The following PCDHGB2 variants were observed in gnomAD, a reference collection of about 807,000 sequenced individuals.
PCDHGB2 encodes the protein protocadherin gamma subfamily B, 2.
In PCDHGB2, 55 loss-of-function variants were observed where a neutral mutation model predicts 59.3. That is an observed-to-expected ratio of 0.93 (90% CI 0.75 to 1.16). The LOEUF (loss-of-function observed/expected upper bound fraction) is 1.16, where lower values mean the gene tolerates loss of function less well. Ranked by LOEUF, PCDHGB2 falls within the 50% of genes most tolerant of loss-of-function variation. PCDHGB2 has a pLI of 0.00. For synonymous variants in PCDHGB2, 516 were observed against 512.0 expected, an observed-to-expected ratio of 1.01 and a Z score of -0.11; for missense variants, 1,228 against 1,198.5, an observed-to-expected ratio of 1.02 and a Z score of -0.36.
intron 1 of PCDHGB2, chr5:141,478,144 G>A (rs2099432883): frequency 6.2e-7 from 1 of 1,613,918 alleles, no homozygotes; most frequent in Non-Finnish European, 8.5e-7. Flanking sequence ...CCCGAGCCGA[G>A]TTCCCCTCTG....
At chr5:141,382,720 T>G in intron 1 of PCDHGB2, 1 of 480,114 alleles carries the variant, frequency 2.1e-6, no homozygotes, top group Non-Finnish European at 3.5e-6. Flanking sequence ...AACCACCGAG[T>G]TTTACAGCAC....
At chr5:141,387,739 C>T (rs182945836) in intron 1 of PCDHGB2, 1 of 1,328,598 alleles carries the variant, frequency 7.5e-7, no homozygotes, top group East Asian at 2.5e-5. Context: ...AGCCTTTACA[C>T]CGCTTCCTCC....
At chr5:141,394,740 G>C in intron 1 of PCDHGB2, 2 of 1,613,404 alleles carry the variant, frequency 1.2e-6, no homozygotes, top group Non-Finnish European at 1.7e-6. Context: ...GCAGAGCCTC[G>C]TGGTGGCCGT....
chr5:141,471,591 A>T (rs925105880), intron 1 of PCDHGB2: 1 of 152,294 alleles, frequency 6.6e-6, no homozygotes, highest in South Asian at 2.1e-4. Context: ...AGTAATTGAT[A>T]GTTTCAAAAT....
intron 1 of PCDHGB2, among the ~76,000 whole-genome samples, chr5:141,433,999 A>G (rs1471657184): frequency 6.6e-6 from 1 of 152,070 alleles, no homozygotes; most frequent in Admixed American, 6.6e-5. Context: ...TATATTCTCT[A>G]TATATGTTTG....
chr5:141,431,442 TCC>T lies in PCDHGB2; in HGVS notation c.2422-63364_2422-63363del. ...CCGGTGCGCACAGGCACCGCGCGCATCCGCGTGATGGTTCTGGATGCGAACGA... is the reference window on the plus strand; with the variant it reads ...CCGGTGCGCACAGGCACCGCGCGCATGCGTGATGGTTCTGGATGCGAACGA... On this transcript the variant is annotated intron_variant, in intron 1 of 3. Transcript: ENST00000522605. This position sits in a 1 kb window ranked among gnomAD's most constrained non-coding sequence, Gnocchi z 4.8. 1 of 1,613,746 alleles carries T rather than the reference TCC, an allele frequency of 6.2e-7. No homozygotes were observed. The highest frequency in any genetic ancestry group is 1.3e-5 in the African/African-American group (1 of 75,074).
intron 1 of PCDHGB2, chr5:141,394,386 A>T (rs765454423): frequency 1.2e-6 from 2 of 1,614,210 alleles, no homozygotes; most frequent in South Asian, 1.1e-5. Context: ...CTATGAGCAG[A>T]TCCGAGACCT....
At chr5:141,385,186 T>C in intron 1 of PCDHGB2, 1 of 1,614,218 alleles carries the variant, frequency 6.2e-7, no homozygotes. Context: ...CACCGCGGAC[T>C]CTCGGAAGAG....
intron 1 of PCDHGB2, among the ~76,000 whole-genome samples, chr5:141,407,479 T>C (rs1042229151): frequency 1.4e-5 from 2 of 144,060 alleles, no homozygotes; most frequent in East Asian, 1.9e-4. Context: ...GAATGGAGTA[T>C]GGAAAATCTT....
intron 1 of PCDHGB2, chr5:141,420,214 C>T: frequency 6.2e-7 from 1 of 1,611,064 alleles, no homozygotes; most frequent in Non-Finnish European, 8.5e-7. Context: ...ACAAAGATAG[C>T]ATGCTACTGG....
In PCDHGB2 at chr5:141,361,357, G is replaced by A. The variant is rs1349523966; in HGVS notation, c.1222G>A (p.Gly408Ser). 6.2e-7 allele frequency: 1 copy of A among 1,613,920 alleles called. No homozygotes were observed. The highest frequency in any genetic ancestry group is 1.7e-5 in the Admixed American group (1 of 60,022). Reference sequence around the variant, plus strand: ...GAACTATTACAAACTAGTGACAGACGGCGCTCTGGACCGGGAGGAGATCCC... The same window carrying A: ...GAACTATTACAAACTAGTGACAGACAGCGCTCTGGACCGGGAGGAGATCCC... ...SKNYYKLVTD[G>S]ALDREEIPEY... The change falls in exon 1 of 4, where the codon GGC (glycine) becomes AGC (serine). Residue 408 changes from glycine (G) to serine (S), a missense_variant. This residue lies in a region of PCDHGB2 where 781 missense variants were observed against 721.6 expected (regional missense o/e 1.08). Coordinates refer to ENST00000522605, the MANE Select transcript of PCDHGB2 (RefSeq NM_018923.3).
intron 1 of PCDHGB2, chr5:141,415,862 A>G: frequency 1.8e-6 from 2 of 1,107,350 alleles, no homozygotes; most frequent in Non-Finnish European, 1.2e-6. Flanking sequence ...TGTAGTTTAT[A>G]GTGTTGTTGA....
At chr5:141,421,776 G>A in intron 1 of PCDHGB2, 5 of 1,613,876 alleles carry the variant, frequency 3.1e-6, no homozygotes, top group Non-Finnish European at 3.4e-6. Context: ...CCTTGCAACT[G>A]CGGGGCAGAA....
intron 1 of PCDHGB2, among the ~76,000 whole-genome samples, chr5:141,397,443 A>G (rs1307784938): frequency 6.6e-6 from 1 of 152,244 alleles, no homozygotes; most frequent in African/African-American, 2.4e-5. Flanking sequence ...TATGTGTAAT[A>G]TAAAACACTA....
intron 1 of PCDHGB2, among the ~76,000 whole-genome samples, chr5:141,407,609 TG>T (rs2094960291): frequency 1.3e-5 from 2 of 152,162 alleles, no homozygotes; most frequent in Admixed American, 1.3e-4. Flanking sequence ...AAAGAAGCAT[TG>T]GTTGACATTC....
In PCDHGB2 at chr5:141,409,379, A is replaced by G. The variant is rs376174246; in HGVS notation, c.2421+46823A>G. On this transcript the variant is annotated intron_variant, in intron 1 of 3. Transcript: ENST00000522605. ...TAATATAGAAACAGACATTCCATTC[A>G]AGATTTATTCTTCTTCCAATAACTA... is the stretch of plus-strand genomic sequence containing the variant. The G allele has an allele frequency of 1.5e-5, 25 of 1,613,926 alleles. No homozygotes were observed. The highest frequency in any genetic ancestry group is 2.0e-5 in the Non-Finnish European group (24 of 1,179,908).
chr5:141,420,477 A>T (rs1469261817), intron 1 of PCDHGB2: 3 of 626,262 alleles, frequency 4.8e-6, no homozygotes, highest in Non-Finnish European at 7.0e-6. Flanking sequence ...TTTAAAGCAA[A>T]CTACATGGGT....
intron 1 of PCDHGB2, chr5:141,383,874 T>C: frequency 1.2e-6 from 2 of 1,614,012 alleles, no homozygotes; most frequent in Non-Finnish European, 1.7e-6. Context: ...AAGATGGTCC[T>C]GGTAGTCTGA....
rs751320023 is a variant in PCDHGB2 at position 141,431,263 on chromosome 5, G to T, written c.2422-63544G>T. 6 of 1,614,060 alleles carry T rather than the reference G, an allele frequency of 3.7e-6. No homozygotes were observed. In the East Asian group the frequency reaches 1.3e-4, roughly 36 times the overall value. ...CGGATATCGGGAAGAACTCTCTGCA[G>T]AGCTACGAGCTCAGCCCGAACACTC... On this transcript the variant is annotated intron_variant, in intron 1 of 3. Transcript: ENST00000522605. The surrounding 1 kb of genome is among the most constrained non-coding windows in gnomAD (Gnocchi z 4.8).
Sources: allele counts gnomAD v4.1 joint callset (sites outside exome capture counted in the v4.1 genomes callset), GRCh38; gene constraint gnomAD v4.1.1; regional missense constraint gnomAD v4.1.1; non-coding constraint Gnocchi (gnomAD v3.1); transcripts MANE v1.5; gene names NCBI Gene and HGNC (gene_info 2026-07-23, HGNC 2026-07-21).